The following GALNT10 variants were observed in gnomAD, a reference collection of about 807,000 sequenced individuals.
GALNT10 encodes the protein GalNAc transferase 10.
In GALNT10, 41 loss-of-function variants were observed where a neutral mutation model predicts 75.0. That is an observed-to-expected ratio of 0.55 (90% CI 0.43 to 0.71). The LOEUF (loss-of-function observed/expected upper bound fraction) is 0.71, where lower values mean the gene tolerates loss of function less well. Ranked by LOEUF, GALNT10 falls within the 30% of genes least tolerant of loss-of-function variation. The pLI, the probability that GALNT10 is intolerant of heterozygous loss-of-function variation, is 0.00. For synonymous variants in GALNT10, 302 were observed against 313.0 expected (o/e 0.96, Z 0.37); for missense variants, 727 against 818.5 (o/e 0.89, Z 1.36).
intron 1 of GALNT10, among the ~76,000 whole-genome samples, chr5:154,210,297 A>G (rs1186184845): frequency 2.6e-5 from 4 of 152,036 alleles, no homozygotes; most frequent in Admixed American, 2.6e-4. Flanking sequence ...TGTCACTCTC[A>G]TTACATGGAG....
At chr5:154,347,944 G>A (rs1022427886) in intron 4 of GALNT10, among the ~76,000 whole-genome samples, 2 of 152,158 alleles carry the variant, frequency 1.3e-5, no homozygotes, top group African/African-American at 2.4e-5. Flanking sequence ...TCCTAAGGGG[G>A]TGGCTCAAGG....
chr5:154,268,578 A>T (rs1272895850), intron 1 of GALNT10, among the ~76,000 whole-genome samples: 1 of 152,200 alleles, frequency 6.6e-6, no homozygotes, highest in Non-Finnish European at 1.5e-5. Flanking sequence ...GTTTATAAAG[A>T]TGGCAAAAGA....
Position 154,294,797 on chromosome 5 carries a change from G to GT in GALNT10, c.160-14dup. On this transcript the variant is annotated intron_variant, in intron 1 of 11. Transcript: ENST00000297107. Reference sequence around the variant, plus strand: ...GATTTGCCCTTTTCTATTTTTCATAGTTTTTGTCTTTTTTTAAGGGCTCAC... The same window carrying GT: ...GATTTGCCCTTTTCTATTTTTCATAGTTTTTTGTCTTTTTTTAAGGGCTCAC... 7.4e-7 allele frequency: 1 copy of GT among 1,356,540 alleles called. No homozygotes were observed. The allele number at this position is 1,356,540 out of a possible 1,614,324, so 84.0% of individuals were successfully genotyped here. A position where few individuals can be genotyped will look rare whatever the true frequency, so the allele number is the denominator to read the frequency against.
At chr5:154,399,230 G>A (rs1350823569) in intron 7 of GALNT10, among the ~76,000 whole-genome samples, 1 of 152,196 alleles carries the variant, frequency 6.6e-6, no homozygotes, top group East Asian at 1.9e-4. Context: ...AGAAAGGGAG[G>A]AGCCTAAAGA....
chr5:154,353,944 T>A (rs1755249811), intron 4 of GALNT10, among the ~76,000 whole-genome samples: 1 of 152,202 alleles, frequency 6.6e-6, no homozygotes, highest in African/African-American at 2.4e-5. Flanking sequence ...GTTACTTCTG[T>A]GTCCCAGTAC....
At chr5:154,197,908 A>G (rs1774970125) in intron 1 of GALNT10, among the ~76,000 whole-genome samples, 1 of 152,138 alleles carries the variant, frequency 6.6e-6, no homozygotes, top group South Asian at 2.1e-4. Context: ...ACTCTGACCT[A>G]GTGCTGAGTC....
chr5:154,345,005 G>A (rs750798200), intron 4 of GALNT10, among the ~76,000 whole-genome samples: 1 of 152,184 alleles, frequency 6.6e-6, no homozygotes, highest in African/African-American at 2.4e-5. Flanking sequence ...TCCCCAGTGG[G>A]CATGCTGCAG....
At chr5:154,266,149 G>A (rs578188389) in intron 1 of GALNT10, among the ~76,000 whole-genome samples, 2 of 152,194 alleles carry the variant, frequency 1.3e-5, no homozygotes, top group East Asian at 3.9e-4. Context: ...TAAATATCGA[G>A]CATTAGGGAA....
intron 7 of GALNT10, among the ~76,000 whole-genome samples, chr5:154,395,001 T>A (rs1030946774): frequency 6.6e-6 from 1 of 152,292 alleles, no homozygotes; most frequent in South Asian, 2.1e-4. Flanking sequence ...ATTCCATGAG[T>A]GTCCCTGCCT....
intron 1 of GALNT10, among the ~76,000 whole-genome samples, chr5:154,247,073 T>C (rs1753438844): frequency 6.6e-6 from 1 of 152,224 alleles, no homozygotes; most frequent in Non-Finnish European, 1.5e-5. Flanking sequence ...GGGAATGCTT[T>C]CCCCATTTCT....
intron 3 of GALNT10, among the ~76,000 whole-genome samples, chr5:154,321,135 C>A (rs531382577): frequency 2.0e-5 from 3 of 152,314 alleles, no homozygotes; most frequent in Non-Finnish European, 2.9e-5. Flanking sequence ...TTGATCACAT[C>A]TCTATCTAAC....
intron 7 of GALNT10, among the ~76,000 whole-genome samples, chr5:154,391,271 G>A (rs1447660284): frequency 6.6e-6 from 1 of 152,186 alleles, no homozygotes; most frequent in East Asian, 1.9e-4. Flanking sequence ...CCCTTTTCTT[G>A]GTGACAGAGA....
chr5:154,413,738 C>T (rs577815710), intron 10 of GALNT10, among the ~76,000 whole-genome samples: 1 of 152,210 alleles, frequency 6.6e-6, no homozygotes, highest in Non-Finnish European at 1.5e-5. Context: ...GTGCCATGCA[C>T]TGCAGCCTGG....
chr5:154,286,389 T>TG (rs1754112509), intron 1 of GALNT10, among the ~76,000 whole-genome samples: 4 of 151,254 alleles, frequency 2.6e-5, no homozygotes, highest in Admixed American at 6.6e-5. Context: ...CGATTTGTTT[T>TG]TTTTTTTTTT....
intron 1 of GALNT10, among the ~76,000 whole-genome samples, chr5:154,197,539 A>C (rs55946756): frequency 6.6e-6 from 1 of 151,944 alleles, no homozygotes; most frequent in African/African-American, 2.4e-5. Flanking sequence ...CCCTCTGCTG[A>C]GTGTAGATAG....
At chr5:154,413,797 AAC>A (rs2113226254) in intron 10 of GALNT10, among the ~76,000 whole-genome samples, 1 of 152,352 alleles carries the variant, frequency 6.6e-6, no homozygotes, top group South Asian at 2.1e-4. Flanking sequence ...CAACAACAAA[AAC>A]ACAATCCATA....
intron 1 of GALNT10, among the ~76,000 whole-genome samples, chr5:154,286,000 G>A (rs995198995): frequency 1.3e-5 from 2 of 152,124 alleles, no homozygotes; most frequent in Non-Finnish European, 2.9e-5. Context: ...TTTCTACTGA[G>A]TTAACCTGTA....
intron 1 of GALNT10, among the ~76,000 whole-genome samples, chr5:154,230,980 C>T (rs1403465465): frequency 2.6e-5 from 4 of 152,230 alleles, no homozygotes; most frequent in African/African-American, 9.6e-5. Context: ...AAGGCATACA[C>T]CAGACAAGGC....
At chr5:154,319,650 A>G (rs1436026542) in intron 3 of GALNT10, among the ~76,000 whole-genome samples, 1 of 152,232 alleles carries the variant, frequency 6.6e-6, no homozygotes. Context: ...TGCCTGGCCC[A>G]CAGTGGTAGC....
Sources: gnomAD v4.1 joint callset for allele counts (sites outside exome capture counted in the v4.1 genomes callset) on GRCh38, gnomAD v4.1.1 for gene constraint, MANE v1.5 for transcripts, NCBI Gene and HGNC (gene_info 2026-07-23, HGNC 2026-07-21) for gene names.